Variants in OR1L8 observed in about 807,000 individuals in gnomAD.
OR1L8 encodes the protein olfactory receptor 1L8.
For synonymous variants in OR1L8, 148 were observed against 147.0 expected, an observed-to-expected ratio of 1.01 and a Z score of -0.05; for missense variants, 330 against 377.4, an observed-to-expected ratio of 0.87 and a Z score of 1.04.
At chr9:122,553,542 G>C in the OR1L8 span, 318 of 1,614,024 alleles carry the variant, frequency 2.0e-4, 1 homozygote, top group African/African-American at 4.0e-3. Flanking sequence ...CCTTATGTTT[G>C]GTGGCCTTGA....
chr9:122,574,135 A>G (rs780097398), intron 3 of OR1L8, among the ~76,000 whole-genome samples: 2 of 152,104 alleles, frequency 1.3e-5, no homozygotes, highest in Non-Finnish European at 2.9e-5. Flanking sequence ...GAAGTCAGGT[A>G]GTGTCAGTCC....
chr9:122,577,393 C>T (rs545554623), intron 2 of OR1L8, among the ~76,000 whole-genome samples: 1 of 152,240 alleles, frequency 6.6e-6, no homozygotes, highest in Admixed American at 6.5e-5. Flanking sequence ...ACACATATGA[C>T]CTCCACATAC....
At chr9:122,568,979 G>A (rs1829489554) in intron 4 of OR1L8, among the ~76,000 whole-genome samples, 1 of 148,882 alleles carries the variant, frequency 6.7e-6, no homozygotes, top group Non-Finnish European at 1.5e-5. Context: ...ATTTTAGATG[G>A]GGAGGTTTCA....
downstream of OR1L8, among the ~76,000 whole-genome samples, chr9:122,562,337 G>A (rs563689108): frequency 6.6e-6 from 1 of 152,366 alleles, no homozygotes; most frequent in Admixed American, 6.5e-5. Context: ...AGTTGCAGCT[G>A]TGGTGATGGC....
chr9:122,565,707 T>C (rs1829418505), downstream of OR1L8, among the ~76,000 whole-genome samples: 1 of 152,252 alleles, frequency 6.6e-6, no homozygotes, highest in Non-Finnish European at 1.5e-5. Context: ...AGTTTTTAAC[T>C]TACCTTCTCC....
At chr9:122,553,243 C>G in the OR1L8 span, 3 of 1,613,706 alleles carry the variant, frequency 1.9e-6, no homozygotes, top group Non-Finnish European at 2.5e-6. Context: ...AACCAAACCA[C>G]TGTTTCAGAC....
chr9:122,546,324 A>G, the OR1L8 span, among the ~76,000 whole-genome samples: 1 of 152,128 alleles, frequency 6.6e-6, no homozygotes, highest in African/African-American at 2.4e-5. Flanking sequence ...ACAGAGCTTA[A>G]TTTTCTTCCC....
the OR1L8 span, among the ~76,000 whole-genome samples, chr9:122,556,614 C>G: frequency 6.6e-6 from 1 of 152,054 alleles, no homozygotes; most frequent in African/African-American, 2.4e-5. Context: ...CAGCAAACCA[C>G]CATGGCACAT....
At chr9:122,581,780 C>G (rs1829741818) in intron 1 of OR1L8, among the ~76,000 whole-genome samples, 1 of 152,024 alleles carries the variant, frequency 6.6e-6, no homozygotes, top group African/African-American at 2.4e-5. Context: ...AACCCTGTCT[C>G]TACTAAAACT....
At chr9:122,576,447 C>G (rs1008499047) in intron 3 of OR1L8, among the ~76,000 whole-genome samples, 1 of 150,478 alleles carries the variant, frequency 6.6e-6, no homozygotes, top group Non-Finnish European at 1.5e-5. Flanking sequence ...ATTGGCCAGG[C>G]TTGTCTTGAA....
chr9:122,563,689 G>A (rs535328204), downstream of OR1L8, among the ~76,000 whole-genome samples: 6 of 152,142 alleles, frequency 3.9e-5, no homozygotes, highest in African/African-American at 1.4e-4. Flanking sequence ...TCTTTAGCCA[G>A]ATCAATGTCA....
intron 1 of OR1L8, among the ~76,000 whole-genome samples, chr9:122,579,619 T>TTAG (rs1829714090): frequency 2.0e-5 from 3 of 152,146 alleles, no homozygotes; most frequent in Admixed American, 1.3e-4. Flanking sequence ...TAATTAGATA[T>TTAG]TAGTTGTGAT....
At chr9:122,547,521 C>T in the OR1L8 span, among the ~76,000 whole-genome samples, 3 of 152,034 alleles carry the variant, frequency 2.0e-5, no homozygotes, top group Non-Finnish European at 4.4e-5. Context: ...TCTCATCCCT[C>T]AGCCCCCTCC....
chr9:122,566,456 G>A (rs1379925779), downstream of OR1L8, among the ~76,000 whole-genome samples: 1 of 151,934 alleles, frequency 6.6e-6, no homozygotes, highest in African/African-American at 2.4e-5. Flanking sequence ...ATGTTTTAAT[G>A]TAATGGATTC....
Position 122,568,526 on chromosome 9 carries a change from T to C in OR1L8, c.-49A>G. On this transcript the variant is annotated 5_prime_UTR_variant, in exon 5 of 5. Coordinates refer to ENST00000641027, the MANE Select transcript of OR1L8 (RefSeq NM_001004454.2). ...AGAAGTTTTGTCATTTAACATGCTC[T>C]GATTTCATAACACCAATCATGAGAA... 2 of 1,091,292 alleles carry C rather than the reference T, an allele frequency of 1.8e-6. No homozygotes were observed. Among genetic ancestry groups the C allele is most frequent in the Non-Finnish European group, 2.7e-6 (2 of 747,146 alleles). The allele number at this position is 1,091,292 out of a possible 1,614,324, so 67.6% of individuals were successfully genotyped here.
the OR1L8 span, among the ~76,000 whole-genome samples, chr9:122,560,935 C>G: frequency 6.6e-6 from 1 of 152,138 alleles, no homozygotes; most frequent in African/African-American, 2.4e-5. Flanking sequence ...CATCTTGGTT[C>G]CATTCTTCCC....
intron 3 of OR1L8, among the ~76,000 whole-genome samples, chr9:122,576,016 T>C (rs894351223): frequency 2.0e-5 from 3 of 152,200 alleles, no homozygotes; most frequent in African/African-American, 7.2e-5. Flanking sequence ...TTTATTTCAG[T>C]TACCATAATG....
intron 1 of OR1L8, among the ~76,000 whole-genome samples, chr9:122,582,290 A>G (rs1179814054): frequency 6.6e-6 from 1 of 152,260 alleles, no homozygotes; most frequent in Non-Finnish European, 1.5e-5. Context: ...TGGCTTAAAA[A>G]TAATAAACTA....
downstream of OR1L8, among the ~76,000 whole-genome samples, chr9:122,563,324 C>G (rs1454927910): frequency 6.6e-6 from 1 of 151,862 alleles, no homozygotes; most frequent in Admixed American, 6.6e-5. Flanking sequence ...TTGTATATTT[C>G]ATTGTGATTT....
Sources: gnomAD v4.1 joint callset for allele counts (sites outside exome capture counted in the v4.1 genomes callset) on GRCh38, gnomAD v4.1.1 for gene constraint, MANE v1.5 for transcripts, NCBI Gene and HGNC (gene_info 2026-07-23, HGNC 2026-07-21) for gene names.